The following CHCHD3 variants were observed in gnomAD, a reference collection of about 807,000 sequenced individuals.
CHCHD3 encodes the protein MICOS complex subunit MIC19.
Under a neutral mutation model 38.2 loss-of-function variants are expected in CHCHD3, and 20 were observed. The observed-to-expected ratio is 0.52, with a 90% CI of 0.37 to 0.76. CHCHD3 has a LOEUF of 0.76. Among genes scored for constraint, CHCHD3 ranks in the 30% least tolerant of loss-of-function variants. The pLI is 0.00. For missense variants in CHCHD3, 245 were observed against 279.2 expected (o/e 0.88, Z 0.87); for synonymous variants, 82 against 100.0 (o/e 0.82, Z 1.07).
chr7:132,977,538 A>G (rs1250111502), intron 3 of CHCHD3, among the ~76,000 whole-genome samples: 1 of 152,256 alleles, frequency 6.6e-6, no homozygotes, highest in Admixed American at 6.5e-5. Flanking sequence ...CTTACCCCTA[A>G]GTAAAAAAGC....
intron 2 of CHCHD3, among the ~76,000 whole-genome samples, chr7:133,039,010 G>A (rs74692250): frequency 0.011 from 1,647 of 152,300 alleles, 26 homozygotes; most frequent in African/African-American, 0.038. Context: ...CACATGGTGG[G>A]AAACGCATAT....
In CHCHD3 at chr7:133,070,241, A is replaced by G; in HGVS notation, c.82-12T>C. On this transcript the variant is annotated splice_polypyrimidine_tract_variant and intron_variant, in intron 1 of 7. Transcript: ENST00000262570. ...ACATTTTCCGAAAGCTGGAAAAGCA[A>G]CATCAAAATAAAATCAATTATAAAA... The G allele has an allele frequency of 6.2e-7, 1 of 1,605,988 alleles. No individual in the cohort carries two copies. The highest frequency in any genetic ancestry group is 1.1e-5 in the South Asian group (1 of 89,690).
chr7:132,983,266 T>G (rs2117348890), intron 3 of CHCHD3, among the ~76,000 whole-genome samples: 1 of 152,290 alleles, frequency 6.6e-6, no homozygotes, highest in East Asian at 1.9e-4. Context: ...GAGGTTGCAG[T>G]GAGCTGAGAT....
chr7:132,997,667 A>AT (rs1336724721), intron 3 of CHCHD3, among the ~76,000 whole-genome samples: 2 of 89,508 alleles, frequency 2.2e-5, no homozygotes, highest in Admixed American at 2.2e-4. Context: ...TGTAAAAAAA[A>AT]AAAAAAAAAA....
At chr7:132,916,464 ATAAG>A (rs1292281535) in intron 4 of CHCHD3, among the ~76,000 whole-genome samples, 3 of 150,546 alleles carry the variant, frequency 2.0e-5, no homozygotes, top group African/African-American at 4.9e-5. Flanking sequence ...TAGTCCGAAA[ATAAG>A]TGAGTACTGT....
At chr7:132,786,828 T>G (rs1474599783) in intron 7 of CHCHD3, among the ~76,000 whole-genome samples, 2 of 152,236 alleles carry the variant, frequency 1.3e-5, no homozygotes, top group Non-Finnish European at 2.9e-5. Flanking sequence ...CATGCTAAAA[T>G]TTATTGTGTA....
At chr7:132,952,173 C>T (rs1326248033) in intron 4 of CHCHD3, among the ~76,000 whole-genome samples, 1 of 152,188 alleles carries the variant, frequency 6.6e-6, no homozygotes, top group Non-Finnish European at 1.5e-5. Flanking sequence ...CAACCAGCAG[C>T]AAGAGGAGAA....
chr7:132,957,372 C>T (rs766678700), intron 4 of CHCHD3, among the ~76,000 whole-genome samples: 8 of 152,196 alleles, frequency 5.3e-5, no homozygotes, highest in Non-Finnish European at 1.0e-4. Flanking sequence ...AATAGCAATA[C>T]AATGGTGGGG....
chr7:132,982,785 A>G (rs1811951828), intron 3 of CHCHD3, among the ~76,000 whole-genome samples: 1 of 152,204 alleles, frequency 6.6e-6, no homozygotes, highest in African/African-American at 2.4e-5. Context: ...AGAACTTTTA[A>G]GTACAGCTGA....
At chr7:133,022,398 A>T (rs1308194264) in intron 3 of CHCHD3, 2 of 456,602 alleles carry the variant, frequency 4.4e-6, no homozygotes. Flanking sequence ...AATTCAGGCA[A>T]TACATACAAT....
In CHCHD3 at chr7:132,910,247, AG is replaced by A. The variant is rs1187771037; in HGVS notation, c.370-24503del. Among the ~76,000 whole-genome samples, 7 of 152,246 alleles carry A rather than the reference AG, an allele frequency of 4.6e-5. No individual in the cohort carries two copies. The East Asian group carries it at 1.4e-3, about 29-fold the overall frequency. ...TGTACCGGTAAAACTTGCCAAGGGC[AG>A]GGGGTATTTCTTTTTATTACTGTAT... On this transcript the variant is annotated intron_variant, in intron 4 of 7. Coordinates refer to ENST00000262570, the MANE Select transcript of CHCHD3 (RefSeq NM_017812.4).
At chr7:132,850,428 A>G (rs1242706705) in intron 5 of CHCHD3, among the ~76,000 whole-genome samples, 1 of 144,870 alleles carries the variant, frequency 6.9e-6, no homozygotes, top group African/African-American at 2.6e-5. Flanking sequence ...TTCATTAATT[A>G]GAGTCTCAGG....
intron 4 of CHCHD3, among the ~76,000 whole-genome samples, chr7:132,918,294 A>C (rs1331741120): frequency 6.6e-6 from 1 of 152,152 alleles, no homozygotes; most frequent in African/African-American, 2.4e-5. Context: ...GGAAGACTTC[A>C]TGGGCTACCC....
intron 3 of CHCHD3, among the ~76,000 whole-genome samples, chr7:133,006,241 A>T (rs1262097071): frequency 1.3e-5 from 2 of 152,112 alleles, no homozygotes; most frequent in African/African-American, 4.8e-5. Flanking sequence ...CAAGGCAGGC[A>T]GATCACCTGA....
chr7:132,868,050 T>C (rs769945035), intron 5 of CHCHD3, among the ~76,000 whole-genome samples: 1 of 152,230 alleles, frequency 6.6e-6, no homozygotes, highest in Non-Finnish European at 1.5e-5. Flanking sequence ...AAGCTAGGTT[T>C]AATCCTTATA....
At position 133,045,700 on chromosome 7, in the gene CHCHD3, C is replaced by T. The variant is rs774611709; in HGVS notation, c.170-21073G>A. On this transcript the variant is annotated intron_variant, in intron 2 of 7. Transcript: ENST00000262570. Reference sequence around the variant, plus strand: ...CTGATATAGTTTGGATCTGTGTCCCCGCCCAAATCTCATGTCAAATTGTAA... The same window carrying T: ...CTGATATAGTTTGGATCTGTGTCCCTGCCCAAATCTCATGTCAAATTGTAA... Among the ~76,000 whole-genome samples, 58 of 152,108 alleles carry T rather than the reference C, an allele frequency of 3.8e-4. 1 individual carries two copies. Among genetic ancestry groups the T allele is most frequent in the Admixed American group, 1.3e-4 (2 of 15,264 alleles).
intron 4 of CHCHD3, among the ~76,000 whole-genome samples, chr7:132,908,148 A>C (rs1809842890): frequency 6.6e-6 from 1 of 152,228 alleles, no homozygotes; most frequent in Non-Finnish European, 1.5e-5. Flanking sequence ...GGGACAAATC[A>C]TTATGAGGTA....
Position 132,785,393 on chromosome 7 carries a change from C to T in CHCHD3, c.*244G>A. ...AGGGCTGCCCTTCTCTTTTAATCATCATAAGAGGGTTTACTAATACTCAAG... is the reference window on the plus strand; with the variant it reads ...AGGGCTGCCCTTCTCTTTTAATCATTATAAGAGGGTTTACTAATACTCAAG... On this transcript the variant is annotated 3_prime_UTR_variant, in exon 8 of 8. Transcript: ENST00000262570. 2 of 560,120 alleles carry T rather than the reference C, an allele frequency of 3.6e-6. No individual in the cohort carries two copies. Among genetic ancestry groups the T allele is most frequent in the South Asian group, 4.5e-5 (2 of 44,124 alleles). The allele number at this position is 560,120 out of a possible 1,614,324, so 34.7% of individuals were successfully genotyped here. A position where few individuals can be genotyped will look rare whatever the true frequency, so the allele number is the denominator to read the frequency against.
intron 4 of CHCHD3, among the ~76,000 whole-genome samples, chr7:132,940,789 A>G (rs1810746686): frequency 1.3e-5 from 2 of 152,286 alleles, no homozygotes; most frequent in South Asian, 4.1e-4. Context: ...AGGTGTCAAT[A>G]AAGCTAGGCA....
Sources: allele counts gnomAD v4.1 joint callset (sites outside exome capture counted in the v4.1 genomes callset), GRCh38; gene constraint gnomAD v4.1.1; transcripts MANE v1.5; gene names NCBI Gene and HGNC (gene_info 2026-07-23, HGNC 2026-07-21).